The following FIBCD1 variants were observed in gnomAD, a reference collection of about 807,000 sequenced individuals.
FIBCD1 encodes fibrinogen C domain-containing protein 1.
Under a neutral mutation model 45.1 loss-of-function variants are expected in FIBCD1, and 47 were observed. That is an observed-to-expected ratio of 1.04 (90% CI 0.82 to 1.33). The LOEUF (loss-of-function observed/expected upper bound fraction) is 1.33, where lower values mean the gene tolerates loss of function less well. FIBCD1 is among the 40% of genes most tolerant of loss of function. The probability of loss-of-function intolerance (pLI) is 0.00; values close to 1 mark genes in which losing one functional copy is unlikely to be tolerated. For synonymous variants in FIBCD1, 313 were observed against 308.1 expected (o/e 1.02, Z -0.17); for missense variants, 653 against 682.2 (o/e 0.96, Z 0.48).
rs538234550 is a variant in FIBCD1, at chr9:130,905,325, G to A, written c.1035C>T (p.Ala345=). 5 of 1,614,056 alleles carry A rather than the reference G, an allele frequency of 3.1e-6. No individual in the cohort carries two copies. The East Asian group carries it at 1.1e-4, about 36-fold the overall frequency. Residue 345 remains alanine (A), a synonymous_variant, in exon 6 of 7, where the codon GCC becomes GCT. Coordinates refer to ENST00000372338, the MANE Select transcript of FIBCD1 (RefSeq NM_032843.5). ...AGCCCACGCCGAAGCTCCCGTAGCG[G>A]GCATAGGCCGTGCCATTCTCAAAGT... ...LEDFENGTAY[A]RYGSFGVGLF... is the part of the protein sequence containing the mutation.
intron 5 of FIBCD1, among the ~76,000 whole-genome samples, chr9:130,907,056 G>A (rs1831941104): frequency 6.6e-6 from 1 of 152,338 alleles, no homozygotes; most frequent in Non-Finnish European, 1.5e-5. Flanking sequence ...CCAAATCCCT[G>A]CTGCTATTCA....
intron 4 of FIBCD1, among the ~76,000 whole-genome samples, chr9:130,917,295 CAGAG>C (rs931039671): frequency 2.5e-4 from 38 of 151,958 alleles, no homozygotes; most frequent in African/African-American, 8.2e-4. Flanking sequence ...GGAAGACAGA[CAGAG>C]AGTGTTTTCT....
intron 5 of FIBCD1, among the ~76,000 whole-genome samples, chr9:130,910,655 T>C (rs1832021449): frequency 6.6e-6 from 1 of 152,232 alleles, no homozygotes; most frequent in Admixed American, 6.5e-5. Flanking sequence ...ATCGGCACTC[T>C]GTATCTAGCT....
chr9:130,911,824 C>G lies in FIBCD1; in HGVS notation c.914G>C (p.Gly305Ala). Residue 305 changes from glycine (G) to alanine (A), a missense_variant, in exon 5 of 7, where the codon GGC becomes GCC. Coordinates refer to ENST00000372338, the MANE Select transcript of FIBCD1 (RefSeq NM_032843.5). ...GTGCTCCCCGGTGAGCCTGCCAAAG[C>G]CGTCTCGGTACGCATCCCAGCCCCG... ...FFRGWDAYRD[G>A]FGRLTGEHWL... 1 of 1,604,790 alleles carries G rather than the reference C, an allele frequency of 6.2e-7. No individual in the cohort carries two copies. The highest frequency in any genetic ancestry group is 8.5e-7 in the Non-Finnish European group (1 of 1,176,474).
In FIBCD1 at chr9:130,926,895, G is replaced by C. The variant is rs532928281; in HGVS notation, c.553-2499C>G. 6.6e-6 allele frequency among the ~76,000 whole-genome samples: 1 copy of C among 152,262 alleles called. No homozygotes were observed. The highest frequency in any genetic ancestry group is 2.1e-4 in the South Asian group (1 of 4,820). ...TGTACTAACCTCCTGGCGTTATGGG[G>C]CTGCAAAGTGCCTATTAACGCGGAG... On this transcript the variant is annotated intron_variant, in intron 2 of 6. Transcript: ENST00000372338. The surrounding 1 kb of genome is among the most constrained non-coding windows in gnomAD (Gnocchi z 4.1).
intron 4 of FIBCD1, among the ~76,000 whole-genome samples, chr9:130,914,305 A>G (rs1451447109): frequency 6.6e-6 from 1 of 152,166 alleles, no homozygotes; most frequent in Non-Finnish European, 1.5e-5. Context: ...CCAGCTGCAA[A>G]AGCCAAGTCA....
chr9:130,927,632 G>C (rs566918282), intron 2 of FIBCD1, among the ~76,000 whole-genome samples: 21 of 152,204 alleles, frequency 1.4e-4, no homozygotes, highest in Non-Finnish European at 2.9e-4. Context: ...AACCCCGGCT[G>C]GGGGGCTGCA....
At chr9:130,918,926 A>G (rs1440177379) in intron 4 of FIBCD1, among the ~76,000 whole-genome samples, 1 of 152,236 alleles carries the variant, frequency 6.6e-6, no homozygotes, top group African/African-American at 2.4e-5. Flanking sequence ...GACGGCGCAC[A>G]GTAGGCCTAA....
intron 1 of FIBCD1, among the ~76,000 whole-genome samples, chr9:130,930,425 CGGGGAGACAT>C (rs1832431186): frequency 2.9e-5 from 2 of 69,940 alleles, no homozygotes; most frequent in East Asian, 2.8e-4. Context: ...CGGGGAGACA[CGGGGAGACAT>C]GGGGAGATGC....
intron 4 of FIBCD1, among the ~76,000 whole-genome samples, chr9:130,916,837 C>G (rs1409372696): frequency 1.3e-5 from 2 of 152,242 alleles, no homozygotes; most frequent in Non-Finnish European, 2.9e-5. Flanking sequence ...GTGGCCCACG[C>G]CTGTAATCCC....
intron 5 of FIBCD1, among the ~76,000 whole-genome samples, chr9:130,908,960 C>A (rs1305020045): frequency 1.3e-5 from 2 of 152,040 alleles, no homozygotes; most frequent in African/African-American, 4.8e-5. Context: ...CCCGACCCCC[C>A]ATCTTCCAGG....
At chr9:130,920,075 C>T (rs1832234540) in intron 4 of FIBCD1, among the ~76,000 whole-genome samples, 1 of 151,638 alleles carries the variant, frequency 6.6e-6, no homozygotes. Context: ...TCCCCAGGCC[C>T]TGAAAGGCAG....
rs1832282971 is a variant in FIBCD1 at position 130,922,715 on chromosome 9, C to T, written c.849+1029G>A. ...CCCCATCCCGTCTTCCTCTCTTCAA[C>T]ACCCCCAGTAGCTCCCGACTGTGTG... On this transcript the variant is annotated intron_variant, in intron 4 of 6. Coordinates refer to ENST00000372338, the MANE Select transcript of FIBCD1 (RefSeq NM_032843.5). The surrounding 1 kb of genome is among the most constrained non-coding windows in gnomAD (Gnocchi z 4.5). Among the ~76,000 whole-genome samples, 1 of 152,170 alleles carries T rather than the reference C, an allele frequency of 6.6e-6. No individual in the cohort carries two copies. Among genetic ancestry groups the T allele is most frequent in the Non-Finnish European group, 1.5e-5 (1 of 68,034 alleles).
At chr9:130,940,306 G>A (rs1445612084), upstream of FIBCD1, among the ~76,000 whole-genome samples, 1 of 152,254 alleles carries the variant, frequency 6.6e-6, no homozygotes, top group Non-Finnish European at 1.5e-5. Context: ...CAAACCACCG[G>A]CTGTTTGTCC....
intron 4 of FIBCD1, among the ~76,000 whole-genome samples, chr9:130,916,226 G>C (rs2133088840): frequency 6.6e-6 from 1 of 152,362 alleles, no homozygotes; most frequent in South Asian, 2.1e-4. Context: ...ACCGCGCCCA[G>C]CCTTAGTGCA....
chr9:130,912,471 C>T lies in FIBCD1; in HGVS notation c.850-583G>A, dbSNP rs527453258. Among the ~76,000 whole-genome samples the T allele has an allele frequency of 1.0e-3, 149 of 149,392 alleles. 2 individuals carry two copies. In the Middle Eastern group the frequency reaches 0.019, roughly 19 times the overall value. On this transcript the variant is annotated intron_variant, in intron 4 of 6. Transcript: ENST00000372338. ...CCTGTAATCCCAGAACTTTGGGAGG[C>T]CGAGGTGGGTGGATCACCTGAGGTC...
chr9:130,929,330 G>A (rs941724164), intron 2 of FIBCD1, among the ~76,000 whole-genome samples: 3 of 152,186 alleles, frequency 2.0e-5, no homozygotes, highest in Non-Finnish European at 2.9e-5. Context: ...AGTTTACCGG[G>A]TCACCGGGAA....
chr9:130,904,127 G>C lies in FIBCD1; in HGVS notation c.1323C>G (p.Thr441=). The change falls in exon 7 of 7, where the codon ACC becomes ACG. Residue 441 remains threonine, a synonymous_variant. Transcript: ENST00000372338. Reference sequence around the variant, plus strand: ...AGAACTTGAGTGAGTACTGCCAGCCGGTCCAGGAGGACCACTCCACGCCGT... The same window carrying C: ...AGAACTTGAGTGAGTACTGCCAGCCCGTCCAGGAGGACCACTCCACGCCGT... The part of the protein sequence containing the change: ...YADGVEWSSW[T]GWQYSLKFSE... The C allele has an allele frequency of 6.2e-7, 1 of 1,613,264 alleles. No individual in the cohort carries two copies. Among genetic ancestry groups the C allele is most frequent in the Non-Finnish European group, 8.5e-7 (1 of 1,179,848 alleles).
chr9:130,907,889 A>G (rs970486939), intron 5 of FIBCD1, among the ~76,000 whole-genome samples: 1 of 116,262 alleles, frequency 8.6e-6, no homozygotes, highest in African/African-American at 3.4e-5. Flanking sequence ...ACAGAGTGAG[A>G]CTCTGTCTCA....
Sources: allele counts gnomAD v4.1 joint callset (sites outside exome capture counted in the v4.1 genomes callset), GRCh38; gene constraint gnomAD v4.1.1; non-coding constraint Gnocchi (gnomAD v3.1); transcripts MANE v1.5; gene names NCBI Gene and HGNC (gene_info 2026-07-23, HGNC 2026-07-21).